The following TUBA1A variants were observed in gnomAD, a reference collection of about 807,000 sequenced individuals.
TUBA1A encodes the protein tubulin alpha 1a.
TUBA1A carries 7 observed loss-of-function variants against 34.6 expected under a neutral mutation model. The observed-to-expected ratio is 0.20, with a 90% CI of 0.11 to 0.38. TUBA1A has a LOEUF of 0.38. TUBA1A is among the 10% of genes least tolerant of loss of function. TUBA1A has a pLI of 1.00. For missense variants in TUBA1A, 19 were observed against 581.3 expected (o/e 0.03, Z 9.95); for synonymous variants, 193 against 210.2 (o/e 0.92, Z 0.71).
chr12:49,188,754 C>G lies in TUBA1A; in HGVS notation c.3+223G>C. ...GCCTAGGCGCCGCCTTTGTTCCTCCCCAGCGCTCTGCTGCGCCCTGGGCGC... is the reference window on the plus strand; with the variant it reads ...GCCTAGGCGCCGCCTTTGTTCCTCCGCAGCGCTCTGCTGCGCCCTGGGCGC... On this transcript the variant is annotated intron_variant, in intron 1 of 3. Transcript: ENST00000301071. This position sits in a 1 kb window ranked among gnomAD's most constrained non-coding sequence, Gnocchi z 4.9. The G allele has an allele frequency of 6.7e-7, 1 of 1,495,128 alleles. No individual in the cohort carries two copies. The highest frequency in any genetic ancestry group is 8.8e-7 in the Non-Finnish European group (1 of 1,134,046). The allele number at this position is 1,495,128 out of a possible 1,614,324, so 92.6% of individuals were successfully genotyped here.
At chr12:49,187,644 A>G (rs1942197388) in intron 1 of TUBA1A, 3 of 985,188 alleles carry the variant, frequency 3.0e-6, no homozygotes, top group Non-Finnish European at 3.6e-6. Context: ...CCACTGTAAA[A>G]GCTGAAAAAT....
chr12:49,187,291 T>C, intron 1 of TUBA1A: 7 of 1,074,628 alleles, frequency 6.5e-6, no homozygotes, highest in Non-Finnish European at 7.9e-6. Context: ...GCCACACCCT[T>C]CTGCAGTCTG....
rs1062439 is a variant in TUBA1A, at chr12:49,184,904, G to A, written c.*106C>T. 1.9e-6 allele frequency: 3 copies of A among 1,563,172 alleles called. No individual in the cohort carries two copies. Among genetic ancestry groups the A allele is most frequent in the South Asian group, 2.2e-5 (2 of 89,498 alleles). ...AGCATAGGTCAGTAATTGTATATGAGAGCATACACTGCTACATACAAATTA... is the reference window on the plus strand; with the variant it reads ...AGCATAGGTCAGTAATTGTATATGAAAGCATACACTGCTACATACAAATTA... On this transcript the variant is annotated 3_prime_UTR_variant, in exon 4 of 4. Transcript: ENST00000301071.
Position 49,188,587 on chromosome 12 carries a change from A to G in TUBA1A, c.3+390T>C. ...CCTCCTCCTCTCCCGGTCCCCAGAG[A>G]ACAACGCGAGACAGAAAGTGGCCCC... On this transcript the variant is annotated intron_variant, in intron 1 of 3. Transcript: ENST00000301071. The surrounding 1 kb of genome is among the most constrained non-coding windows in gnomAD (Gnocchi z 4.9). 6.9e-7 allele frequency: 1 copy of G among 1,456,364 alleles called. No individual in the cohort carries two copies. The allele number at this position is 1,456,364 out of a possible 1,614,324, so 90.2% of individuals were successfully genotyped here. A position where few individuals can be genotyped will look rare whatever the true frequency, so the allele number is the denominator to read the frequency against.
intron 1 of TUBA1A, chr12:49,187,971 T>C: frequency 1.0e-6 from 1 of 983,876 alleles, no homozygotes; most frequent in Non-Finnish European, 1.2e-6. Flanking sequence ...ACCCTGGGGC[T>C]CACAAAGTGG....
In TUBA1A at chr12:49,187,576, T is replaced by C. The variant is rs372494153; in HGVS notation, c.4-743A>G. On this transcript the variant is annotated intron_variant, in intron 1 of 3. Coordinates refer to ENST00000301071, the MANE Select transcript of TUBA1A (RefSeq NM_006009.4). ...CGGGATGCGGAGTATAATTCTTCTT[T>C]GTCTGTAGCAATTTCATTACTTTTT... 115 of 984,488 alleles carry C rather than the reference T, an allele frequency of 1.2e-4. 1 individual carries two copies. In the South Asian group the frequency reaches 4.5e-3, roughly 38 times the overall value. 61.0% of individuals were successfully genotyped at this position (984,488 alleles called of 1,614,324 possible). A position where few individuals can be genotyped will look rare whatever the true frequency, so the allele number is the denominator to read the frequency against.
Position 49,188,378 on chromosome 12 carries a change from C to T in TUBA1A, c.3+599G>A, listed in dbSNP as rs1373636744. 1.3e-6 allele frequency: 2 copies of T among 1,535,598 alleles called. No individual in the cohort carries two copies. Among genetic ancestry groups the T allele is most frequent in the African/African-American group, 2.7e-5 (2 of 73,002 alleles). On this transcript the variant is annotated intron_variant, in intron 1 of 3. Coordinates refer to ENST00000301071, the MANE Select transcript of TUBA1A (RefSeq NM_006009.4). This position sits in a 1 kb window ranked among gnomAD's most constrained non-coding sequence, Gnocchi z 4.9. ...AACAAACAACCCCGCCCCTGCGCCG[C>T]CCTGACACCCGCTGCCGGGGGCTCC...
chr12:49,189,053 C>G lies in TUBA1A; in HGVS notation c.-74G>C. On this transcript the variant is annotated 5_prime_UTR_variant, in exon 1 of 4. Transcript: ENST00000301071. ...GGTTGTTGCTTCTTACAGCGCGACT[C>G]TTAGGCGGTCGATGTAAGAGAACCT... 1.2e-6 allele frequency: 2 copies of G among 1,602,448 alleles called. No individual in the cohort carries two copies. Among genetic ancestry groups the G allele is most frequent in the African/African-American group, 1.3e-5 (1 of 74,828 alleles).
Position 49,186,930 on chromosome 12 carries a change from A to G in TUBA1A, c.4-97T>C. 1 of 1,536,130 alleles carries G rather than the reference A, an allele frequency of 6.5e-7. No homozygotes were observed. Among genetic ancestry groups the G allele is most frequent in the Non-Finnish European group, 8.7e-7 (1 of 1,145,364 alleles). ...AAAATATTTCTAATAATATACAGAT[A>G]TTTTTCTAAATTATTTGAGGTCATA... On this transcript the variant is annotated intron_variant, in intron 1 of 3. Transcript: ENST00000301071. This position sits in a 1 kb window ranked among gnomAD's most constrained non-coding sequence, Gnocchi z 6.6.
At position 49,189,066 on chromosome 12, in the gene TUBA1A, T is replaced by C. The variant is rs1318046620; in HGVS notation, c.-87A>G. The C allele has an allele frequency of 1.5e-5, 23 of 1,575,664 alleles. No individual in the cohort carries two copies. The highest frequency in any genetic ancestry group is 2.0e-5 in the Non-Finnish European group (23 of 1,145,306). On this transcript the variant is annotated 5_prime_UTR_variant, in exon 1 of 4. Coordinates refer to ENST00000301071, the MANE Select transcript of TUBA1A (RefSeq NM_006009.4). ...TACAGCGCGACTCTTAGGCGGTCGA[T>C]GTAAGAGAACCTGCGGCACATAGGC...
chr12:49,188,778 G>A lies in TUBA1A; in HGVS notation c.3+199C>T. 6.4e-7 allele frequency: 1 copy of A among 1,563,060 alleles called. No individual in the cohort carries two copies. The highest frequency in any genetic ancestry group is 8.6e-7 in the Non-Finnish European group (1 of 1,163,344). On this transcript the variant is annotated intron_variant, in intron 1 of 3. Coordinates refer to ENST00000301071, the MANE Select transcript of TUBA1A (RefSeq NM_006009.4). This position sits in a 1 kb window ranked among gnomAD's most constrained non-coding sequence, Gnocchi z 4.9. The stretch of plus-strand genomic sequence containing the variant: ...CCCAGCGCTCTGCTGCGCCCTGGGC[G>A]CAGTACTGGCCCGGTTCCTGCACCC...
Position 49,186,510 on chromosome 12 carries a change from A to C in TUBA1A, c.227-52T>G. 1 of 1,608,230 alleles carries C rather than the reference A, an allele frequency of 6.2e-7. No homozygotes were observed. Among genetic ancestry groups the C allele is most frequent in the Non-Finnish European group, 8.5e-7 (1 of 1,176,194 alleles). On this transcript the variant is annotated intron_variant, in intron 2 of 3. Coordinates refer to ENST00000301071, the MANE Select transcript of TUBA1A (RefSeq NM_006009.4). This position sits in a 1 kb window ranked among gnomAD's most constrained non-coding sequence, Gnocchi z 6.6. ...GGGGGGAGGAGGAGGAGGGACGAGG[A>C]GCGGGGAGGGAGAGTGGGTGAGTGA...
chr12:49,189,062 T>C lies in TUBA1A; in HGVS notation c.-83A>G. 1 of 1,584,194 alleles carries C rather than the reference T, an allele frequency of 6.3e-7. No homozygotes were observed. The highest frequency in any genetic ancestry group is 8.7e-7 in the Non-Finnish European group (1 of 1,152,984). ...TTCTTACAGCGCGACTCTTAGGCGG[T>C]CGATGTAAGAGAACCTGCGGCACAT... On this transcript the variant is annotated 5_prime_UTR_variant, in exon 1 of 4. Coordinates refer to ENST00000301071, the MANE Select transcript of TUBA1A (RefSeq NM_006009.4).
In TUBA1A at chr12:49,186,397, T is replaced by C. The variant is rs1056875; in HGVS notation, c.288A>G (p.Lys96=). 622,726 of 1,611,508 alleles carry C rather than the reference T, an allele frequency of 0.39. 128,464 individuals carry two copies. Among genetic ancestry groups the C allele is most frequent in the East Asian group, 0.72 (32,228 of 44,838 alleles). The change falls in exon 3 of 4, where the codon AAA becomes AAG. Residue 96 remains lysine, a synonymous_variant. Transcript: ENST00000301071. The surrounding 1 kb of genome is among the most constrained non-coding windows in gnomAD (Gnocchi z 6.6). ...GGGCATAGTTATTGGCAGCATCTTC[T>C]TTGCCTGTGATAAGTTGCTCAGGGT... ...LFHPEQLITG[K]EDAANNYARG... is the part of the protein sequence containing the mutation.
chr12:49,187,150 A>C (rs1216825634), intron 1 of TUBA1A: 7 of 1,233,476 alleles, frequency 5.7e-6, no homozygotes, highest in Non-Finnish European at 6.1e-6. Flanking sequence ...TTGTAAAATG[A>C]AGTAAATCCA....
chr12:49,186,225 C>A lies in TUBA1A; in HGVS notation c.375+85G>T. ...TCCACTCTTTATTAAAATAACAGTT[C>A]AATTCTGTGTTTGAAAAAAAAAGCA... is the stretch of plus-strand genomic sequence containing the variant. On this transcript the variant is annotated intron_variant, in intron 3 of 3. Transcript: ENST00000301071. This position sits in a 1 kb window ranked among gnomAD's most constrained non-coding sequence, Gnocchi z 6.6. 1.2e-6 allele frequency: 2 copies of A among 1,611,016 alleles called. No homozygotes were observed. The highest frequency in any genetic ancestry group is 1.7e-6 in the Non-Finnish European group (2 of 1,179,298).
rs764306318 is a variant in TUBA1A at position 49,186,470 on chromosome 12, G to C, written c.227-12C>G. ...AGTGCGAACTTCATCTGGAGAACAT[G>C]ATGGGGGAGGAGCAGGGGGGAGGAG... On this transcript the variant is annotated splice_polypyrimidine_tract_variant and intron_variant, in intron 2 of 3. Transcript: ENST00000301071. This position sits in a 1 kb window ranked among gnomAD's most constrained non-coding sequence, Gnocchi z 6.6. 7.4e-6 allele frequency: 12 copies of C among 1,613,408 alleles called. No homozygotes were observed. Among genetic ancestry groups the C allele is most frequent in the Non-Finnish European group, 8.5e-6 (10 of 1,179,760 alleles).
Position 49,188,246 on chromosome 12 carries a change from T to C in TUBA1A, c.3+731A>G, listed in dbSNP as rs1942207041. On this transcript the variant is annotated intron_variant, in intron 1 of 3. Transcript: ENST00000301071. The surrounding 1 kb of genome is among the most constrained non-coding windows in gnomAD (Gnocchi z 4.9). Reference sequence around the variant, plus strand: ...AGAAAACCCTTTTGGAGCCTACAGTTCCGCAATGATGAAAGGTTTTTTTGT... The same window carrying C: ...AGAAAACCCTTTTGGAGCCTACAGTCCCGCAATGATGAAAGGTTTTTTTGT... The C allele has an allele frequency of 1.0e-6, 1 of 984,642 alleles. No homozygotes were observed. Among genetic ancestry groups the C allele is most frequent in the Non-Finnish European group, 1.2e-6 (1 of 829,354 alleles). 61.0% of individuals were successfully genotyped at this position (984,642 alleles called of 1,614,324 possible).
chr12:49,187,596 C>CTTT (rs36182571), intron 1 of TUBA1A: 8 of 948,768 alleles, frequency 8.4e-6, no homozygotes, highest in South Asian at 9.9e-5. Flanking sequence ...AATTTCATTA[C>CTTT]TTTTTTTTTT....
Sources: allele counts gnomAD v4.1 joint callset, GRCh38; gene constraint gnomAD v4.1.1; non-coding constraint Gnocchi (gnomAD v3.1); transcripts MANE v1.5; gene names NCBI Gene and HGNC (gene_info 2026-07-23, HGNC 2026-07-21).